Variants in SRPX2 observed in about 807,000 individuals in gnomAD.
The protein encoded by SRPX2 is sushi repeat-containing protein SRPX2.
In SRPX2, 26 loss-of-function variants were observed where a neutral mutation model predicts 45.3. That is an observed-to-expected ratio of 0.57 (90% CI 0.42 to 0.80). SRPX2 has a LOEUF of 0.80. Ranked by LOEUF, SRPX2 falls within the 30% of genes least tolerant of loss-of-function variation. The pLI is 0.00. For missense variants in SRPX2, 355 were observed against 399.8 expected (o/e 0.89, Z 0.95); for synonymous variants, 125 against 143.7 (o/e 0.87, Z 0.93).
chrX:100,656,726 A>G (rs956494421), intron 3 of SRPX2, among the ~76,000 whole-genome samples: 10 of 112,108 alleles, frequency 8.9e-5, no homozygotes, highest in African/African-American at 3.2e-4. Context: ...CCACTGATGG[A>G]TACTTAGGTT....
At chrX:100,653,422 T>G (rs2083159732) in intron 3 of SRPX2, among the ~76,000 whole-genome samples, 1 of 111,225 alleles carries the variant, frequency 9.0e-6, no homozygotes, top group Admixed American at 9.6e-5. Context: ...GACCTGTCAT[T>G]TCTTTATTAA....
Position 100,662,359 on chromosome X carries a change from A to C in SRPX2, c.347A>C (p.Tyr116Ser). 1 of 1,211,269 alleles carries C rather than the reference A, an allele frequency of 8.3e-7. No individual in the cohort carries two copies. Among genetic ancestry groups the C allele is most frequent in the African/African-American group, 1.7e-5 (1 of 57,817 alleles). Residue 116 changes from tyrosine to serine, a missense_variant, in exon 4 of 11, where the codon TAC becomes TCC. Tyr to Ser is a moderately radical substitution (Grantham distance 144, BLOSUM62 -2). Transcript: ENST00000373004. ...AGCCGTCGTTGGTCTGGAACTGCCT[A>C]CTGCAGGCGTAAGTTGTGTGTGTGC... is the stretch of plus-strand genomic sequence containing the variant. ...LPSRRWSGTA[Y>S]CRQMRCHALP...
At chrX:100,654,283 A>T (rs1437223076) in intron 3 of SRPX2, among the ~76,000 whole-genome samples, 1 of 111,977 alleles carries the variant, frequency 8.9e-6, no homozygotes, top group East Asian at 2.8e-4. Context: ...GCATAAAATG[A>T]ATTGAGTGAA....
chrX:100,665,356 G>A lies in SRPX2; in HGVS notation c.646G>A (p.Gly216Ser), dbSNP rs758845090. The change falls in exon 6 of 11, where the codon GGT (glycine) becomes AGT (serine). Residue 216 changes from glycine to serine, a missense_variant. Gly to Ser is a moderately conservative substitution (Grantham distance 56). Transcript: ENST00000373004. ...DPPLVKDSAD[G>S]TITRVTLRGP... ...ACCGTTGGTGAAAGATTCTGCTGAT[G>A]GTACCATCACCAGGTGAGCCTGAAT... 6 of 1,208,544 alleles carry A rather than the reference G, an allele frequency of 5.0e-6. No individual in the cohort carries two copies. The Admixed American group carries it at 1.3e-4, about 26-fold the overall frequency.
chrX:100,658,340 T>C (rs1718804771), intron 3 of SRPX2, among the ~76,000 whole-genome samples: 1 of 112,267 alleles, frequency 8.9e-6, no homozygotes, highest in African/African-American at 3.2e-5. Flanking sequence ...TATCTAGTTT[T>C]CTCAGCACCA....
At chrX:100,661,599 G>C (rs373073395) in intron 3 of SRPX2, among the ~76,000 whole-genome samples, 1 of 111,133 alleles carries the variant, frequency 9.0e-6, no homozygotes. Flanking sequence ...GTGAAATCTC[G>C]TCTCTACTAA....
chrX:100,659,172 C>T (rs375216961), intron 3 of SRPX2, among the ~76,000 whole-genome samples: 7 of 111,996 alleles, frequency 6.3e-5, no homozygotes, highest in Admixed American at 2.8e-4. Context: ...AACTGCCATA[C>T]GCCTTATGTT....
chrX:100,658,012 C>A (rs770084654), intron 3 of SRPX2, among the ~76,000 whole-genome samples: 7 of 112,228 alleles, frequency 6.2e-5, no homozygotes, highest in Non-Finnish European at 1.1e-4. Context: ...CATTATTAGT[C>A]CCCTGATGGA....
chrX:100,668,535 A>T (rs2083212453), intron 9 of SRPX2, among the ~76,000 whole-genome samples: 1 of 110,522 alleles, frequency 9.0e-6, no homozygotes, highest in African/African-American at 3.3e-5. Context: ...GATGAAACAG[A>T]GGTGGGGTGC....
chrX:100,671,100 G>C lies in SRPX2; in HGVS notation c.*113G>C. 1.1e-6 allele frequency: 1 copy of C among 884,121 alleles called. No homozygotes were observed. The highest frequency in any genetic ancestry group is 1.6e-6 in the Non-Finnish European group (1 of 625,277). The allele number at this position is 884,121 out of a possible 1,213,427, so 72.9% of individuals were successfully genotyped here. On this transcript the variant is annotated 3_prime_UTR_variant, in exon 11 of 11. Transcript: ENST00000373004. ...CACAGTTCTAGGGACAGGACTCTGA[G>C]GTGGGTGAGTTTGACAAATCCTGCG...
At position 100,667,344 on chromosome X, in the gene SRPX2, C is replaced by A. The variant is rs2083208057; in HGVS notation, c.1032C>A (p.Leu344=). 1 of 1,209,714 alleles carries A rather than the reference C, an allele frequency of 8.3e-7. No homozygotes were observed. The highest frequency in any genetic ancestry group is 1.8e-5 in the African/African-American group (1 of 57,070). ...LLDQFYEKQR[L]LIISAPDPSN... Reference sequence around the variant, plus strand: ...ATCAATTCTATGAGAAACAGCGACTCCTCATCATCTCAGCTCCTGATCCTT... The same window carrying A: ...ATCAATTCTATGAGAAACAGCGACTACTCATCATCTCAGCTCCTGATCCTT... Residue 344 remains leucine (L), a synonymous_variant, in exon 9 of 11, where the codon CTC becomes CTA. Transcript: ENST00000373004.
chrX:100,653,497 A>C, intron 3 of SRPX2, among the ~76,000 whole-genome samples: 1 of 110,582 alleles, frequency 9.0e-6, no homozygotes, highest in Non-Finnish European at 1.9e-5. Flanking sequence ...GGATTATCTG[A>C]CTCATGTTTC....
At chrX:100,670,776 G>T (rs2083221828) in intron 10 of SRPX2, 31 bp from the exon 11 acceptor site, 2 of 1,208,455 alleles carry the variant, frequency 1.7e-6, no homozygotes, top group East Asian at 5.9e-5. Flanking sequence ...CCCAGACAAG[G>T]TCTCATACCT....
chrX:100,660,997 G>A (rs2083185501), intron 3 of SRPX2: 1 of 112,471 alleles, frequency 8.9e-6, no homozygotes, highest in Non-Finnish European at 1.9e-5. Flanking sequence ...CCTTTAAGTG[G>A]GATTGCAGAG....
Position 100,665,343 on chromosome X carries a change from A to G in SRPX2, c.633A>G (p.Lys211=). The part of the protein sequence containing the change: ...ARVYWDPPLV[K]DSADGTITRV... ...TATACTGGGACCCACCGTTGGTGAA[A>G]GATTCTGCTGATGGTACCATCACCA... Residue 211 remains lysine, a synonymous_variant, in exon 6 of 11, where the codon AAA becomes AAG. Coordinates refer to ENST00000373004, the MANE Select transcript of SRPX2 (RefSeq NM_014467.3). The G allele has an allele frequency of 8.3e-7, 1 of 1,210,388 alleles. No homozygotes were observed. Among genetic ancestry groups the G allele is most frequent in the Non-Finnish European group, 1.1e-6 (1 of 894,784 alleles).
At chrX:100,657,023 G>T (rs199934021) in intron 3 of SRPX2, among the ~76,000 whole-genome samples, 1 of 110,219 alleles carries the variant, frequency 9.1e-6, no homozygotes, top group Non-Finnish European at 1.9e-5. Flanking sequence ...TGCCTCCTGG[G>T]TTCAAGCGAT....
At position 100,656,573 on chromosome X, in the gene SRPX2, G is replaced by C. The variant is rs191425211; in HGVS notation, c.164-5603G>C. On this transcript the variant is annotated intron_variant, in intron 3 of 10. Coordinates refer to ENST00000373004, the MANE Select transcript of SRPX2 (RefSeq NM_014467.3). ...AATTAAATGAGAACATGCAGTATTT[G>C]TCTTTTTGTGCCTGGCTTATTTTGC... is the stretch of plus-strand genomic sequence containing the variant. Among the ~76,000 whole-genome samples, 5 of 111,818 alleles carry C rather than the reference G, an allele frequency of 4.5e-5. No homozygotes were observed. In the East Asian group the frequency reaches 1.4e-3, roughly 32 times the overall value.
chrX:100,651,018 A>G (rs1442097793), intron 3 of SRPX2, 153 bp downstream of exon 3: 4 of 466,568 alleles, frequency 8.6e-6, no homozygotes, highest in African/African-American at 7.3e-5. Flanking sequence ...GAACTTGGTT[A>G]CTGACTTACT....
chrX:100,669,411 T>TTG, intron 10 of SRPX2, 42 bp downstream of exon 10: 3 of 16,853 alleles, frequency 1.8e-4, no homozygotes, highest in African/African-American at 6.0e-4. Context: ...GAGGGGGGGC[T>TTG]GGGGCGGGGG....
Sources: allele counts gnomAD v4.1 joint callset (sites outside exome capture counted in the v4.1 genomes callset), GRCh38; gene constraint gnomAD v4.1.1; transcripts MANE v1.5; gene names NCBI Gene and HGNC (gene_info 2026-07-23, HGNC 2026-07-21).